SENP1: variants seen among roughly 807,000 people sequenced by gnomAD.
SENP1 encodes the protein sentrin-specific protease 1.
In SENP1, 21 loss-of-function variants were observed where a neutral mutation model predicts 93.0. That is an observed-to-expected ratio of 0.23 (90% CI 0.16 to 0.33). The LOEUF is 0.33. Among genes scored for constraint, SENP1 ranks in the 10% least tolerant of loss-of-function variants. The pLI, the probability that SENP1 is intolerant of heterozygous loss-of-function variation, is 1.00. For missense variants in SENP1, 591 were observed against 758.7 expected (o/e 0.78, Z 2.60); for synonymous variants, 256 against 259.6 (o/e 0.99, Z 0.13).
intron 13 of SENP1, among the ~76,000 whole-genome samples, chr12:48,053,355 G>C (rs1362841334): frequency 1.3e-5 from 2 of 151,864 alleles, no homozygotes; most frequent in South Asian, 4.2e-4. Context: ...GCACATTCCT[G>C]TGGTCCCAGC....
At chr12:48,046,001 T>C (rs1371951331) in intron 17 of SENP1, among the ~76,000 whole-genome samples, 4 of 152,148 alleles carry the variant, frequency 2.6e-5, no homozygotes, top group African/African-American at 9.7e-5. Flanking sequence ...GATTGAGGTA[T>C]GGCCTATTCC....
chr12:48,057,752 G>A (rs1175219355), intron 13 of SENP1, among the ~76,000 whole-genome samples: 1 of 149,808 alleles, frequency 6.7e-6, no homozygotes. Context: ...AGGCACACAC[G>A]ATGACGGGCT....
At chr12:48,063,530 T>G in intron 13 of SENP1, 180 bp downstream of exon 13, 1 of 521,960 alleles carries the variant, frequency 1.9e-6, no homozygotes, top group Non-Finnish European at 3.3e-6. Context: ...CCTGAGATGT[T>G]TGTTAAAAAT....
intron 13 of SENP1, among the ~76,000 whole-genome samples, chr12:48,056,367 T>C (rs1942348667): frequency 8.5e-6 from 1 of 117,492 alleles, no homozygotes; most frequent in Admixed American, 1.0e-4. Flanking sequence ...TTATTTAATA[T>C]ATTACATATA....
intron 10 of SENP1, among the ~76,000 whole-genome samples, chr12:48,066,476 T>C (rs547631001): frequency 6.6e-6 from 1 of 152,294 alleles, no homozygotes; most frequent in African/African-American, 2.4e-5. Flanking sequence ...CAACAATATT[T>C]TGAAAACCCA....
At position 48,048,964 on chromosome 12, in the gene SENP1, C is replaced by A. The variant is rs1410596836; in HGVS notation, c.1576G>T (p.Val526Leu). The A allele has an allele frequency of 3.1e-6, 5 of 1,613,630 alleles. No homozygotes were observed. The change falls in exon 14 of 18, where the codon GTG (valine) becomes TTG (leucine). Residue 526 changes from valine (V) to leucine (L), a missense_variant. Coordinates refer to ENST00000549518, the MANE Select transcript of SENP1 (RefSeq NM_001267594.2). ...VDVFSVDILLVPIHLGVHWCL... is the reference protein window; with the variant it reads ...VDVFSVDILLLPIHLGVHWCL... ...CAGTGTACTCCCAGGTGAATGGGCA[C>A]CAAAAGAATGTCAACAGAAAATACA...
intron 5 of SENP1, chr12:48,085,292 C>A (rs577634632): frequency 3.3e-6 from 5 of 1,525,828 alleles, no homozygotes; most frequent in Non-Finnish European, 4.5e-6. Context: ...TGCAGCATGC[C>A]CTGGACACCC....
At position 48,074,362 on chromosome 12, in the gene SENP1, T is replaced by C. The variant is rs1943916513; in HGVS notation, c.902A>G (p.Gln301Arg). ...HPHHHHSVPH[Q>R]PDNLAASNTQ... is the part of the protein sequence containing the mutation. The stretch of plus-strand genomic sequence containing the variant: ...ATTTGAAGCTGCTAAGTTATCTGGC[T>C]GATGTGGAACAGAGTGGTGATGATG... The change falls in exon 8 of 18, where the codon CAG (glutamine) becomes CGG (arginine). Residue 301 changes from glutamine to arginine, a missense_variant. Around this residue, in one of 4 missense-constraint regions of SENP1, gnomAD observed 238 missense variants for 259.1 expected, o/e 0.92. Transcript: ENST00000549518. 6.2e-7 allele frequency: 1 copy of C among 1,613,780 alleles called. No homozygotes were observed. The highest frequency in any genetic ancestry group is 8.5e-7 in the Non-Finnish European group (1 of 1,179,724).
At chr12:48,087,841 C>A (rs763946059) in intron 5 of SENP1, among the ~76,000 whole-genome samples, 3 of 152,128 alleles carry the variant, frequency 2.0e-5, no homozygotes, top group African/African-American at 4.8e-5. Flanking sequence ...ACTAAATAAT[C>A]CCACATTCCT....
intron 4 of SENP1, among the ~76,000 whole-genome samples, chr12:48,089,931 T>C (rs1304490921): frequency 1.3e-5 from 2 of 152,230 alleles, no homozygotes; most frequent in Admixed American, 1.3e-4. Context: ...AAGTATTTAA[T>C]GTATCTTTTC....
intron 1 of SENP1, among the ~76,000 whole-genome samples, chr12:48,103,894 T>C (rs1946146374): frequency 6.6e-6 from 1 of 152,082 alleles, no homozygotes; most frequent in Non-Finnish European, 1.5e-5. Context: ...AGACAATGTC[T>C]AGGGCTGCAA....
intron 1 of SENP1, among the ~76,000 whole-genome samples, chr12:48,103,904 AG>A (rs1166344595): frequency 2.0e-5 from 3 of 152,150 alleles, no homozygotes; most frequent in African/African-American, 4.8e-5. Flanking sequence ...TAGGGCTGCA[AG>A]GAAGTTACTA....
At chr12:48,097,217 G>C (rs891711724) in intron 3 of SENP1, among the ~76,000 whole-genome samples, 26 of 152,208 alleles carry the variant, frequency 1.7e-4, no homozygotes, top group South Asian at 2.1e-4. Flanking sequence ...TCTGGTTTTG[G>C]TTCTTTTGAT....
rs1212998088 is a variant in SENP1 at position 48,046,270 on chromosome 12, A to G, written c.1872+86T>C. 1.9e-5 allele frequency: 17 copies of G among 889,946 alleles called. No homozygotes were observed. The East Asian group carries it at 3.9e-4, about 20-fold the overall frequency. 55.1% of individuals were successfully genotyped at this position (889,946 alleles called of 1,614,324 possible). A position where few individuals can be genotyped will look rare whatever the true frequency, so the allele number is the denominator to read the frequency against. ...GCTAAAGGTTAGGGTAGAGGCCCCT[A>G]AAGAGAACAACTGGAGAGAAAAACA... On this transcript the variant is annotated intron_variant, in intron 17 of 17. Coordinates refer to ENST00000549518, the MANE Select transcript of SENP1 (RefSeq NM_001267594.2).
At chr12:48,078,892 A>AT (rs1435527560) in intron 6 of SENP1, among the ~76,000 whole-genome samples, 6 of 152,236 alleles carry the variant, frequency 3.9e-5, no homozygotes, top group African/African-American at 1.4e-4. Context: ...GCTCACTCCT[A>AT]TAATTCCAAC....
chr12:48,056,322 ATATAAATATTATTTAATATATTACATAT>A (rs1352939480), intron 13 of SENP1, among the ~76,000 whole-genome samples: 5 of 79,728 alleles, frequency 6.3e-5, no homozygotes, highest in Admixed American at 2.0e-4. Context: ...CATATCACAT[ATATAAATATTATTTAATATATTACATAT>A]AATATATTAT....
chr12:48,094,753 T>C (rs1044984971), intron 4 of SENP1, among the ~76,000 whole-genome samples: 1 of 152,088 alleles, frequency 6.6e-6, no homozygotes, highest in Non-Finnish European at 1.5e-5. Context: ...GAAGGGAACT[T>C]TGAGTAGAAT....
At chr12:48,089,305 T>C (rs1379078300) in intron 4 of SENP1, 1 of 1,364,992 alleles carries the variant, frequency 7.3e-7, no homozygotes, top group Non-Finnish European at 9.7e-7. Context: ...TGAAAGAAGG[T>C]AGGCCAGACC....
chr12:48,056,020 C>A (rs1381057432), intron 13 of SENP1, among the ~76,000 whole-genome samples: 2 of 124,840 alleles, frequency 1.6e-5, no homozygotes, highest in African/African-American at 3.2e-5. Flanking sequence ...TAATATATAA[C>A]TTAATATACT....
Sources: gnomAD v4.1 joint callset for allele counts (sites outside exome capture counted in the v4.1 genomes callset) on GRCh38, gnomAD v4.1.1 for gene constraint, gnomAD v4.1.1 regional missense constraint, MANE v1.5 for transcripts, NCBI Gene and HGNC (gene_info 2026-07-23, HGNC 2026-07-21) for gene names.